The following PTPRN2 variants were observed in gnomAD, a reference collection of about 807,000 sequenced individuals.
PTPRN2 encodes the protein protein tyrosine phosphatase receptor type N2, also known as receptor-type tyrosine-protein phosphatase N2.
A neutral mutation model predicts 118.8 loss-of-function variants in PTPRN2; 74 were observed. That is an observed-to-expected ratio of 0.62 (90% confidence interval 0.52 to 0.76). PTPRN2 has a LOEUF of 0.76. Ranked by LOEUF, PTPRN2 falls within the 30% of genes least tolerant of loss-of-function variation. The pLI, the probability that PTPRN2 is intolerant of heterozygous loss-of-function variation, is 0.00. For missense variants in PTPRN2, 1,481 were observed against 1,394.4 expected (o/e 1.06, Z -0.99); for synonymous variants, 641 against 608.0 (o/e 1.05, Z -0.80).
intron 2 of PTPRN2, among the ~76,000 whole-genome samples, chr7:158,482,475 C>G (rs1820714783): frequency 6.6e-6 from 1 of 152,212 alleles, no homozygotes; most frequent in Non-Finnish European, 1.5e-5. Flanking sequence ...CCTCCACCCG[C>G]AGGAAGATTA....
intron 12 of PTPRN2, among the ~76,000 whole-genome samples, chr7:157,791,318 A>G (rs1044138406): frequency 1.7e-4 from 26 of 152,070 alleles, no homozygotes; most frequent in African/African-American, 6.3e-4. Flanking sequence ...ACCCGATTCC[A>G]TGTTTGAAAA....
intron 15 of PTPRN2, among the ~76,000 whole-genome samples, chr7:157,613,085 G>T (rs1802480088): frequency 6.6e-6 from 1 of 150,850 alleles, no homozygotes; most frequent in Non-Finnish European, 1.5e-5. Flanking sequence ...GCTGAACAGG[G>T]CAGCGCCCCC....
intron 19 of PTPRN2, chr7:157,574,477 C>A: frequency 2.1e-6 from 1 of 481,506 alleles, no homozygotes; most frequent in Non-Finnish European, 4.5e-6. Context: ...CGTTAGTGAG[C>A]ACCATTGCAC....
chr7:157,949,302 T>A (rs992727987), intron 11 of PTPRN2, among the ~76,000 whole-genome samples: 4 of 152,280 alleles, frequency 2.6e-5, no homozygotes, highest in African/African-American at 7.2e-5. Context: ...CAAGTGCCAC[T>A]GAATTGTTCA....
At chr7:157,581,277 G>A (rs1462791031) in intron 17 of PTPRN2, among the ~76,000 whole-genome samples, 1 of 152,238 alleles carries the variant, frequency 6.6e-6, no homozygotes, top group Non-Finnish European at 1.5e-5. Flanking sequence ...CTGGCACCAC[G>A]CTTTGGAGGA....
rs1801970690 is a variant in PTPRN2 at position 157,758,905 on chromosome 7, C to T, written c.1789-75968G>A. 2.6e-5 allele frequency among the ~76,000 whole-genome samples: 4 copies of T among 152,248 alleles called. No individual in the cohort carries two copies. The South Asian group carries it at 8.3e-4, about 31-fold the overall frequency. On this transcript the variant is annotated intron_variant, in intron 12 of 22. Transcript: ENST00000389418. ...CTAACAAACAGCGTGCTCCTGGTTTCCCTGCCACGGTACGCCCCTCCAGCC... is the reference window on the plus strand; with the variant it reads ...CTAACAAACAGCGTGCTCCTGGTTTTCCTGCCACGGTACGCCCCTCCAGCC...
intron 12 of PTPRN2, among the ~76,000 whole-genome samples, chr7:157,873,034 A>G (rs546671393): frequency 6.6e-6 from 1 of 152,324 alleles, no homozygotes; most frequent in South Asian, 2.1e-4. Flanking sequence ...GAAAGTGGGA[A>G]CTGGCCACGG....
intron 1 of PTPRN2, among the ~76,000 whole-genome samples, chr7:158,561,857 A>G (rs1192079985): frequency 6.6e-6 from 1 of 152,038 alleles, no homozygotes; most frequent in South Asian, 2.1e-4. Context: ...CCTACCTCCC[A>G]TCCCCACTGC....
At chr7:157,804,243 A>G (rs1805492057) in intron 12 of PTPRN2, among the ~76,000 whole-genome samples, 1 of 152,224 alleles carries the variant, frequency 6.6e-6, no homozygotes, top group African/African-American at 2.4e-5. Flanking sequence ...AAGAATGCTT[A>G]TTAGCTCTTA....
chr7:157,623,333 T>C (rs148898266), intron 14 of PTPRN2, among the ~76,000 whole-genome samples: 1 of 152,330 alleles, frequency 6.6e-6, no homozygotes, highest in East Asian at 1.9e-4. Flanking sequence ...TTTTCTCAAG[T>C]TGGGCTTACG....
intron 11 of PTPRN2, among the ~76,000 whole-genome samples, chr7:158,074,227 C>T (rs1335115678): frequency 6.6e-6 from 1 of 152,200 alleles, no homozygotes; most frequent in African/African-American, 2.4e-5. Flanking sequence ...ATTTCACCTG[C>T]CCCGGCAGCC....
chr7:158,440,845 ACGGGGG>A (rs1816976054), intron 2 of PTPRN2, among the ~76,000 whole-genome samples: 7 of 51,758 alleles, frequency 1.4e-4, no homozygotes, highest in East Asian at 6.5e-4. Flanking sequence ...GATGGCAGTG[ACGGGGG>A]TGGTGGTGGG....
chr7:157,821,902 A>G (rs534749921), intron 12 of PTPRN2, among the ~76,000 whole-genome samples: 1 of 152,270 alleles, frequency 6.6e-6, no homozygotes, highest in South Asian at 2.1e-4. Context: ...TCATCCATCC[A>G]GGCACTCATT....
intron 2 of PTPRN2, among the ~76,000 whole-genome samples, chr7:158,379,479 T>A (rs2151339470): frequency 6.6e-6 from 1 of 152,170 alleles, no homozygotes; most frequent in South Asian, 2.1e-4. Context: ...GCAGCCAAAC[T>A]CACACTCACA....
At chr7:158,287,314 C>T (rs980836959) in intron 3 of PTPRN2, among the ~76,000 whole-genome samples, 17 of 151,870 alleles carry the variant, frequency 1.1e-4, no homozygotes, top group African/African-American at 2.4e-4. Flanking sequence ...TTTCTAGTTT[C>T]GATGTAATCT....
chr7:158,534,501 A>G (rs967598397), intron 1 of PTPRN2, among the ~76,000 whole-genome samples: 10 of 152,194 alleles, frequency 6.6e-5, no homozygotes, highest in African/African-American at 2.4e-4. Context: ...GCTGCTCTTC[A>G]TTTCCCAAAC....
At position 158,496,500 on chromosome 7, in the gene PTPRN2, C is replaced by T. The variant is rs190958874; in HGVS notation, c.113-6715G>A. On this transcript the variant is annotated intron_variant, in intron 1 of 22. Transcript: ENST00000389418. Reference sequence around the variant, plus strand: ...CCCTGCTCCCCTTCCCCCTTCCCTGCGCCCCACCTTCCCTGCAGCCTCCCC... The same window carrying T: ...CCCTGCTCCCCTTCCCCCTTCCCTGTGCCCCACCTTCCCTGCAGCCTCCCC... Among the ~76,000 whole-genome samples the T allele has an allele frequency of 2.5e-3, 40 of 15,766 alleles. 2 individuals are homozygous for T. The highest frequency in any genetic ancestry group is 0.019 in the African/African-American group (35 of 1,812). The allele number at this position is 15,766 out of a possible 152,430, so 10.3% of individuals were successfully genotyped here.
intron 10 of PTPRN2, among the ~76,000 whole-genome samples, chr7:158,102,486 C>G (rs1022655946): frequency 6.6e-6 from 1 of 152,106 alleles, no homozygotes; most frequent in African/African-American, 2.4e-5. Context: ...TTTCCATGGC[C>G]CTCAAATGTC....
intron 3 of PTPRN2, among the ~76,000 whole-genome samples, chr7:158,244,584 G>GT (rs1796080511): frequency 6.6e-6 from 1 of 152,050 alleles, no homozygotes; most frequent in Admixed American, 6.5e-5. Flanking sequence ...GTGTGTGAGC[G>GT]TGAGTTTTGT....
Sources: gnomAD v4.1 joint callset for allele counts (sites outside exome capture counted in the v4.1 genomes callset) on GRCh38, gnomAD v4.1.1 for gene constraint, MANE v1.5 for transcripts, NCBI Gene and HGNC (gene_info 2026-07-23, HGNC 2026-07-21) for gene names.